AGBL4: variants seen among roughly 807,000 people sequenced by gnomAD.
AGBL4 encodes the protein AGBL carboxypeptidase 4.
Under a neutral mutation model 66.4 loss-of-function variants are expected in AGBL4, and 58 were observed. The ratio of observed to expected loss-of-function variants is 0.87; its 90% CI spans 0.71 to 1.09. The LOEUF (loss-of-function observed/expected upper bound fraction) is 1.09. AGBL4 is among the 50% of genes least tolerant of loss of function. The pLI, the probability that AGBL4 is intolerant of heterozygous loss-of-function variation, is 0.00. For synonymous variants in AGBL4, 234 were observed against 222.9 expected, an observed-to-expected ratio of 1.05 and a Z score of -0.44; for missense variants, 579 against 631.0, an observed-to-expected ratio of 0.92 and a Z score of 0.88.
intron 3 of AGBL4, among the ~76,000 whole-genome samples, chr1:49,546,727 G>A (rs920590636): frequency 2.0e-5 from 3 of 152,180 alleles, no homozygotes; most frequent in Admixed American, 1.3e-4. Context: ...GTATCGCATT[G>A]TGGTTTTGAT....
chr1:49,887,085 T>C (rs1226604471), intron 1 of AGBL4, among the ~76,000 whole-genome samples: 1 of 151,434 alleles, frequency 6.6e-6, no homozygotes, highest in Admixed American at 6.6e-5. Context: ...TCAAGGAGTA[T>C]AGGCAAGGAA....
At chr1:49,053,557 G>T (rs200854230) in intron 4 of AGBL4, among the ~76,000 whole-genome samples, 2 of 152,218 alleles carry the variant, frequency 1.3e-5, no homozygotes, top group East Asian at 3.9e-4. Context: ...GAAAATAATT[G>T]GTTAGGAGAA....
At chr1:48,652,274 A>C (rs1374130287) in intron 8 of AGBL4, among the ~76,000 whole-genome samples, 4 of 152,234 alleles carry the variant, frequency 2.6e-5, no homozygotes. Flanking sequence ...GAGAGTGGCC[A>C]ATTCTGTTTA....
chr1:48,773,244 C>T (rs755167220), intron 6 of AGBL4, among the ~76,000 whole-genome samples: 1 of 151,766 alleles, frequency 6.6e-6, no homozygotes, highest in Non-Finnish European at 1.5e-5. Context: ...CCAGTTTGAG[C>T]CTCCTAAAAA....
intron 4 of AGBL4, among the ~76,000 whole-genome samples, chr1:49,110,763 C>G (rs1037443443): frequency 1.3e-5 from 2 of 152,140 alleles, no homozygotes; most frequent in African/African-American, 2.4e-5. Context: ...GCCCATTTCT[C>G]TGCTCCTCTT....
intron 4 of AGBL4, among the ~76,000 whole-genome samples, chr1:49,224,616 CAAAAAAAAAAA>C (rs377573639): frequency 1.3e-5 from 1 of 74,732 alleles, no homozygotes; most frequent in South Asian, 4.9e-4. Context: ...GACTCCCTCT[CAAAAAAAAAAA>C]AAAAAAAAAG....
At chr1:49,204,088 A>T (rs1464804654) in intron 4 of AGBL4, among the ~76,000 whole-genome samples, 1 of 152,106 alleles carries the variant, frequency 6.6e-6, no homozygotes, top group Non-Finnish European at 1.5e-5. Flanking sequence ...TATAGAAGCC[A>T]TTTCAAATAG....
chr1:48,864,252 A>C (rs913508630), intron 6 of AGBL4, among the ~76,000 whole-genome samples: 9 of 152,196 alleles, frequency 5.9e-5, no homozygotes, highest in African/African-American at 2.2e-4. Context: ...TTTCATGTTC[A>C]TCATGACAAC....
intron 6 of AGBL4, among the ~76,000 whole-genome samples, chr1:48,800,863 G>A (rs979589361): frequency 2.0e-5 from 3 of 152,142 alleles, no homozygotes; most frequent in African/African-American, 7.2e-5. Flanking sequence ...GAATGCATAA[G>A]GCCATAAAGC....
At chr1:49,868,019 T>C (rs1197542195) in intron 1 of AGBL4, among the ~76,000 whole-genome samples, 2 of 152,108 alleles carry the variant, frequency 1.3e-5, no homozygotes, top group African/African-American at 4.8e-5. Context: ...GAACTCCCAT[T>C]CACAATTGCT....
intron 3 of AGBL4, among the ~76,000 whole-genome samples, chr1:49,376,834 T>C (rs920276241): frequency 7.9e-5 from 12 of 152,210 alleles, no homozygotes; most frequent in African/African-American, 2.9e-4. Context: ...ATTTTAATTG[T>C]CATGATAAAA....
At chr1:49,911,182 G>T (rs1650788056) in intron 1 of AGBL4, among the ~76,000 whole-genome samples, 1 of 152,114 alleles carries the variant, frequency 6.6e-6, no homozygotes, top group African/African-American at 2.4e-5. Context: ...GTGGGAGTGG[G>T]GTTGTATAGT....
At chr1:49,713,852 A>T (rs1226116579) in intron 2 of AGBL4, among the ~76,000 whole-genome samples, 1 of 151,706 alleles carries the variant, frequency 6.6e-6, no homozygotes, top group Non-Finnish European at 1.5e-5. Flanking sequence ...CTAGACACAA[A>T]CTCCTGAGTT....
chr1:49,957,306 G>A (rs535383728), intron 1 of AGBL4, among the ~76,000 whole-genome samples: 5 of 152,180 alleles, frequency 3.3e-5, no homozygotes, highest in South Asian at 4.2e-4. Context: ...GAATAAGTGC[G>A]ATGTGGTGCT....
At chr1:49,484,426 G>T (rs1393115036) in intron 3 of AGBL4, among the ~76,000 whole-genome samples, 2 of 152,002 alleles carry the variant, frequency 1.3e-5, no homozygotes, top group Non-Finnish European at 2.9e-5. Flanking sequence ...CGTAAAAAAA[G>T]AATGAGATCT....
intron 1 of AGBL4, among the ~76,000 whole-genome samples, chr1:49,872,762 C>T (rs1012107783): frequency 6.6e-6 from 1 of 151,950 alleles, no homozygotes; most frequent in Non-Finnish European, 1.5e-5. Flanking sequence ...AGGACTAAAA[C>T]TTATGTGACA....
intron 2 of AGBL4, among the ~76,000 whole-genome samples, 182 bp downstream of exon 2, chr1:49,851,213 AT>A (rs1281391133): frequency 6.6e-6 from 1 of 152,166 alleles, no homozygotes; most frequent in African/African-American, 2.4e-5. Flanking sequence ...TTAATCATTT[AT>A]AACAACAAAA....
At chr1:49,762,659 GC>G (rs1652426097) in intron 2 of AGBL4, among the ~76,000 whole-genome samples, 5 of 152,138 alleles carry the variant, frequency 3.3e-5, no homozygotes, top group Admixed American at 3.3e-4. Flanking sequence ...TGCTCTGCCC[GC>G]CTTGGCCTCC....
At chr1:49,703,893 A>G (rs1647150183) in intron 2 of AGBL4, among the ~76,000 whole-genome samples, 1 of 152,042 alleles carries the variant, frequency 6.6e-6, no homozygotes, top group Admixed American at 6.6e-5. Flanking sequence ...CACGAAGTGA[A>G]TATATGAAAA....
Sources: allele counts gnomAD v4.1 joint callset (sites outside exome capture counted in the v4.1 genomes callset), GRCh38; gene constraint gnomAD v4.1.1; transcripts MANE v1.5; gene names NCBI Gene and HGNC (gene_info 2026-07-23, HGNC 2026-07-21).